DHX57: variants seen among roughly 807,000 people sequenced by gnomAD.
DHX57 encodes DExH-box helicase 57, also known as putative ATP-dependent RNA helicase DHX57.
DHX57 carries 105 observed loss-of-function variants against 156.2 expected under a neutral mutation model. That is an observed-to-expected ratio of 0.67 (90% confidence interval 0.57 to 0.79). The LOEUF (loss-of-function observed/expected upper bound fraction) is 0.79, where lower values mean the gene tolerates loss of function less well. DHX57 is among the 30% of genes least tolerant of loss of function. The pLI is 0.00. For missense variants in DHX57, 1,847 were observed against 1,661.9 expected (o/e 1.11, Z -1.94); for synonymous variants, 704 against 595.6 (o/e 1.18, Z -2.65).
Position 38,858,766 on chromosome 2 carries a change from T to C in DHX57, c.1482A>G (p.Glu494=). The C allele has an allele frequency of 6.2e-7, 1 of 1,614,146 alleles. No homozygotes were observed. The highest frequency in any genetic ancestry group is 8.5e-7 in the Non-Finnish European group (1 of 1,180,010). ...TCTTTTTCTTAAGGTTCACATAGCTTTCATTCTCTACTATAACAGGTGCAG... is the reference window on the plus strand; with the variant it reads ...TCTTTTTCTTAAGGTTCACATAGCTCTCATTCTCTACTATAACAGGTGCAG... ...DGPAPVIVEN[E]SYVNLKKKIS... is the part of the protein sequence containing the mutation. The change falls in exon 6 of 24, where the codon GAA becomes GAG. Residue 494 remains glutamate, a synonymous_variant. Transcript: ENST00000457308.
rs1669461798 is a variant in DHX57 at position 38,797,872 on chromosome 2, C to T, written c.*427G>A. The T allele has an allele frequency of 6.1e-6, 1 of 164,258 alleles. No homozygotes were observed. The highest frequency in any genetic ancestry group is 2.5e-5 in the African/African-American group (1 of 40,582). 10.2% of individuals were successfully genotyped at this position (164,258 alleles called of 1,614,324 possible). ...TTTTTCCCCTTCTCTGTTCTGACTT[C>T]TCTCAGTCGAGCCTTGGCGACAGGA... On this transcript the variant is annotated 3_prime_UTR_variant, in exon 24 of 24. Transcript: ENST00000457308.
intron 13 of DHX57, among the ~76,000 whole-genome samples, chr2:38,836,451 T>C (rs918600093): frequency 1.3e-5 from 2 of 152,236 alleles, no homozygotes; most frequent in Non-Finnish European, 2.9e-5. Flanking sequence ...AATAACATTT[T>C]CTTTTCTTTA....
intron 2 of DHX57, among the ~76,000 whole-genome samples, chr2:38,867,512 G>T (rs937881916): frequency 6.6e-6 from 1 of 152,128 alleles, no homozygotes; most frequent in African/African-American, 2.4e-5. Context: ...AAAATACACA[G>T]CTCATCAACT....
intron 1 of DHX57, among the ~76,000 whole-genome samples, chr2:38,870,749 C>G (rs1476496659): frequency 2.6e-5 from 4 of 151,938 alleles, no homozygotes; most frequent in Non-Finnish European, 5.9e-5. Context: ...TGTGGTGGCA[C>G]ACACCTGTAG....
chr2:38,828,657 A>G (rs1410743252), intron 13 of DHX57, among the ~76,000 whole-genome samples: 1 of 151,782 alleles, frequency 6.6e-6, no homozygotes, highest in South Asian at 2.1e-4. Context: ...AGGGAGGCGG[A>G]GTTTGCGGTA....
intron 12 of DHX57, chr2:38,838,725 C>G (rs748717322): frequency 2.2e-6 from 1 of 451,344 alleles, no homozygotes; most frequent in Non-Finnish European, 4.5e-6. Flanking sequence ...AACAGTGACT[C>G]GCTGAACCTT....
At chr2:38,846,964 G>T in intron 11 of DHX57, 55 bp downstream of exon 11, 2 of 1,478,920 alleles carry the variant, frequency 1.4e-6, no homozygotes, top group South Asian at 2.4e-5. Flanking sequence ...AGAATTACAG[G>T]GATGAACCAC....
chr2:38,832,178 C>T (rs185880685), intron 13 of DHX57, among the ~76,000 whole-genome samples: 5 of 152,226 alleles, frequency 3.3e-5, no homozygotes, highest in South Asian at 2.1e-4. Context: ...CAGTGGCTCA[C>T]GCCTGTAGTC....
intron 14 of DHX57, among the ~76,000 whole-genome samples, chr2:38,827,505 A>AATATAT (rs61667849): frequency 4.9e-4 from 5 of 10,154 alleles, no homozygotes; most frequent in African/African-American, 7.0e-4. Context: ...AAAAAAAAAA[A>AATATAT]ATATATATAT....
chr2:38,832,340 T>C (rs1464963248), intron 13 of DHX57, among the ~76,000 whole-genome samples: 2 of 151,678 alleles, frequency 1.3e-5, no homozygotes, highest in African/African-American at 2.4e-5. Context: ...CACGGGAGGC[T>C]GAGGCAGGAC....
chr2:38,866,947 A>G (rs1242425653), intron 2 of DHX57, among the ~76,000 whole-genome samples: 1 of 152,160 alleles, frequency 6.6e-6, no homozygotes, highest in African/African-American at 2.4e-5. Context: ...AGGCCTTCAC[A>G]TTCACTCACC....
At chr2:38,800,652 C>T (rs1384145294) in intron 23 of DHX57, among the ~76,000 whole-genome samples, 2 of 152,170 alleles carry the variant, frequency 1.3e-5, no homozygotes, top group East Asian at 3.9e-4. Context: ...TTTGATTGAG[C>T]TTGTAGGCAA....
At chr2:38,858,477 T>C (rs1673015825) in intron 6 of DHX57, among the ~76,000 whole-genome samples, 184 bp downstream of exon 6, 1 of 152,252 alleles carries the variant, frequency 6.6e-6, no homozygotes, top group Non-Finnish European at 1.5e-5. Context: ...GTACCAGCTA[T>C]AGGATTTTCC....
chr2:38,819,847 T>C (rs554694428), intron 17 of DHX57, among the ~76,000 whole-genome samples: 1 of 151,908 alleles, frequency 6.6e-6, no homozygotes, highest in East Asian at 1.9e-4. Context: ...TTTATTGTTT[T>C]ACTTGAAAAT....
Position 38,862,329 on chromosome 2 carries a change from C to A in DHX57, c.388G>T (p.Gly130Cys). Reference sequence around the variant, plus strand: ...TCATCTTCCTCCTCCCCAGAAAGGCCTCTTCTAGCAAAGGCAACATTTTCA... The same window carrying A: ...TCATCTTCCTCCTCCCCAGAAAGGCATCTTCTAGCAAAGGCAACATTTTCA... ...EQDADAGSER[G>C]LSGEEEDDEP... The change falls in exon 4 of 24, where the codon GGC becomes TGC. Residue 130 changes from glycine (G) to cysteine (C), a missense_variant. By Grantham distance (159) the Gly-to-Cys change is radical (BLOSUM62 -3). Coordinates refer to ENST00000457308, the MANE Select transcript of DHX57 (RefSeq NM_198963.3). 1.3e-6 allele frequency: 2 copies of A among 1,568,632 alleles called. No homozygotes were observed. The highest frequency in any genetic ancestry group is 1.7e-6 in the Non-Finnish European group (2 of 1,152,642).
rs547692512 is a variant in DHX57, at chr2:38,873,090, C to T, written c.-7+2697G>A. Reference sequence around the variant, plus strand: ...GCAACCTCCGCCTCCCAGGTTCAAGCGATTCTCCTGCCTCAGCCTCCCGAG... The same window carrying T: ...GCAACCTCCGCCTCCCAGGTTCAAGTGATTCTCCTGCCTCAGCCTCCCGAG... On this transcript the variant is annotated intron_variant, in intron 1 of 23. Transcript: ENST00000457308. Among the ~76,000 whole-genome samples, 26 of 152,106 alleles carry T rather than the reference C, an allele frequency of 1.7e-4. No homozygotes were observed. The East Asian group carries it at 3.3e-3, about 19-fold the overall frequency.
intron 21 of DHX57, among the ~76,000 whole-genome samples, chr2:38,807,936 G>GCACCCAGCCAGTAAATATCAT (rs1380398791): frequency 6.9e-5 from 9 of 130,288 alleles, no homozygotes; most frequent in South Asian, 2.5e-4. Context: ...GTGAGCCACT[G>GCACCCAGCCAGTAAATATCAT]TGTCTTGCCT....
chr2:38,805,083 T>C (rs1354710377), intron 22 of DHX57, among the ~76,000 whole-genome samples: 1 of 152,196 alleles, frequency 6.6e-6, no homozygotes, highest in Non-Finnish European at 1.5e-5. Context: ...CATGGATACA[T>C]GAACGATTTG....
chr2:38,843,246 G>T (rs781588399), intron 11 of DHX57, 36 bp from the exon 12 acceptor site: 1 of 1,603,758 alleles, frequency 6.2e-7, no homozygotes, highest in African/African-American at 1.3e-5. Context: ...GTGTGTATGT[G>T]GTCCTGTTGG....
Sources: gnomAD v4.1 joint callset for allele counts (sites outside exome capture counted in the v4.1 genomes callset) on GRCh38, gnomAD v4.1.1 for gene constraint, MANE v1.5 for transcripts, NCBI Gene and HGNC (gene_info 2026-07-23, HGNC 2026-07-21) for gene names.